AP3B2: variants seen among roughly 807,000 people sequenced by gnomAD.
AP3B2 encodes adaptor related protein complex 3 subunit beta 2.
In AP3B2, 50 loss-of-function variants were observed where a neutral mutation model predicts 126.9. The ratio of observed to expected loss-of-function variants is 0.39; its 90% CI spans 0.31 to 0.50. The LOEUF is 0.50. Among genes scored for constraint, AP3B2 ranks in the 20% least tolerant of loss-of-function variants. The pLI is 0.79. For synonymous variants in AP3B2, 541 were observed against 565.0 expected (o/e 0.96, Z 0.60); for missense variants, 1,177 against 1,426.4 (o/e 0.83, Z 2.82).
intron 1 of AP3B2, among the ~76,000 whole-genome samples, chr15:82,705,505 A>G (rs2048783010): frequency 6.6e-6 from 1 of 152,042 alleles, no homozygotes; most frequent in Non-Finnish European, 1.5e-5. Flanking sequence ...CTGGATTTCA[A>G]ACATGCTTTC....
chr15:82,684,121 T>G (rs147142090), intron 4 of AP3B2, among the ~76,000 whole-genome samples: 1 of 152,212 alleles, frequency 6.6e-6, no homozygotes, highest in African/African-American at 2.4e-5. Context: ...ACTAGCTGCA[T>G]TGGCCCCTAA....
chr15:82,667,588 C>T (rs1043232702), intron 14 of AP3B2, among the ~76,000 whole-genome samples: 1 of 152,196 alleles, frequency 6.6e-6, no homozygotes. Context: ...AAAATATCTC[C>T]ATTTCTGCCA....
intron 14 of AP3B2, among the ~76,000 whole-genome samples, chr15:82,672,112 C>T (rs553189539): frequency 5.3e-5 from 8 of 151,962 alleles, no homozygotes; most frequent in African/African-American, 4.8e-5. Flanking sequence ...ATGTATATAC[C>T]CAAAAGTAAG....
Position 82,665,060 on chromosome 15 carries a change from A to T in AP3B2, c.2029-117T>A. ...TGAGGCCCTACCTGGTCTGTCCCAC[A>T]AAGGGAATAACAGAGGAGGAAGAAA... is the stretch of plus-strand genomic sequence containing the variant. On this transcript the variant is annotated intron_variant, in intron 17 of 26. Transcript: ENST00000535359. The surrounding 1 kb of genome is among the most constrained non-coding windows in gnomAD (Gnocchi z 4.4). 1 of 1,045,104 alleles carries T rather than the reference A, an allele frequency of 9.6e-7. No homozygotes were observed. The highest frequency in any genetic ancestry group is 1.5e-5 in the South Asian group (1 of 68,034). The allele number at this position is 1,045,104 out of a possible 1,614,324, so 64.7% of individuals were successfully genotyped here.
chr15:82,681,245 C>A lies in AP3B2; in HGVS notation c.522-67G>T. ...CCAGCCTTCCCAATATCTGTCCAAGCCATGCTCACCTCCTGCACCCCAGCC... is the reference window on the plus strand; with the variant it reads ...CCAGCCTTCCCAATATCTGTCCAAGACATGCTCACCTCCTGCACCCCAGCC... On this transcript the variant is annotated intron_variant, in intron 5 of 26. Coordinates refer to ENST00000535359, the MANE Select transcript of AP3B2 (RefSeq NM_001278512.2). This position sits in a 1 kb window ranked among gnomAD's most constrained non-coding sequence, Gnocchi z 4.0. 6.4e-7 allele frequency: 1 copy of A among 1,552,764 alleles called. No homozygotes were observed. The highest frequency in any genetic ancestry group is 8.8e-7 in the Non-Finnish European group (1 of 1,142,076).
Position 82,680,971 on chromosome 15 carries a change from G to A in AP3B2, c.637C>T (p.Arg213Cys). The stretch of plus-strand genomic sequence containing the variant: ...TAGTTTTTGTGAATCAGGTCGATGC[G>A]CTCCGGGCAGACCTCCTCAAAGGCC... ...VMAFEEVCPE[R>C]IDLIHKNYRK... is the part of the protein sequence containing the mutation. Residue 213 changes from arginine to cysteine, a missense_variant, in exon 7 of 27, where the codon CGC (arginine) becomes TGC (cysteine). Around this residue, in one of 5 missense-constraint regions of AP3B2, gnomAD observed 130 missense variants for 262.0 expected, o/e 0.50. Transcript: ENST00000535359. The surrounding 1 kb of genome is among the most constrained non-coding windows in gnomAD (Gnocchi z 6.1). The A allele has an allele frequency of 6.2e-7, 1 of 1,613,908 alleles. No homozygotes were observed. Among genetic ancestry groups the A allele is most frequent in the Non-Finnish European group, 8.5e-7 (1 of 1,179,882 alleles).
intron 14 of AP3B2, among the ~76,000 whole-genome samples, chr15:82,669,920 G>C (rs1431977210): frequency 7.1e-6 from 1 of 141,666 alleles, no homozygotes; most frequent in Non-Finnish European, 1.5e-5. Flanking sequence ...AGAATTGCTT[G>C]AACCCGGGAG....
intron 15 of AP3B2, among the ~76,000 whole-genome samples, chr15:82,666,453 G>A (rs561892457): frequency 7.2e-5 from 11 of 152,344 alleles, no homozygotes; most frequent in African/African-American, 2.6e-4. Context: ...GTATTCCAAA[G>A]CCTAGTGTCT....
chr15:82,663,014 T>A, intron 22 of AP3B2, 92 bp from the exon 23 acceptor site: 1 of 1,497,922 alleles, frequency 6.7e-7, no homozygotes, highest in East Asian at 2.4e-5. Context: ...CAGCTGGGAC[T>A]CAAAGCTATC....
intron 1 of AP3B2, among the ~76,000 whole-genome samples, chr15:82,694,202 G>A (rs574312425): frequency 1.7e-4 from 24 of 144,894 alleles, no homozygotes; most frequent in Admixed American, 1.4e-4. Context: ...TTGGGGTTTC[G>A]CCATGTTGAC....
rs1596168136 is a variant in AP3B2 at position 82,664,596 on chromosome 15, T to C, written c.2138-106A>G. 7.4e-7 allele frequency: 1 copy of C among 1,358,150 alleles called. No homozygotes were observed. The highest frequency in any genetic ancestry group is 2.5e-5 in the East Asian group (1 of 40,106). The allele number at this position is 1,358,150 out of a possible 1,614,324, so 84.1% of individuals were successfully genotyped here. A position where few individuals can be genotyped will look rare whatever the true frequency, so the allele number is the denominator to read the frequency against. On this transcript the variant is annotated intron_variant, in intron 18 of 26. Coordinates refer to ENST00000535359, the MANE Select transcript of AP3B2 (RefSeq NM_001278512.2). This position sits in a 1 kb window ranked among gnomAD's most constrained non-coding sequence, Gnocchi z 4.5. ...ACATTCAGTACTGAACCCTCAAACC[T>C]CTCTGACCTGCCCCCAGCCCTACAT...
intron 4 of AP3B2, among the ~76,000 whole-genome samples, chr15:82,683,268 A>G (rs1480360349): frequency 6.6e-6 from 1 of 151,958 alleles, no homozygotes; most frequent in East Asian, 1.9e-4. Context: ...TGTGTTAGCC[A>G]GGATGGTCTC....
chr15:82,687,514 T>C (rs2048449848), intron 4 of AP3B2: 1 of 152,178 alleles, frequency 6.6e-6, no homozygotes, highest in African/African-American at 2.4e-5. Flanking sequence ...ACCAAAAGAT[T>C]ACTTGCCAAT....
Position 82,670,163 on chromosome 15 carries a change from G to A in AP3B2, c.1666-3230C>T, listed in dbSNP as rs1280760810. 4.3e-5 allele frequency among the ~76,000 whole-genome samples: 6 copies of A among 141,066 alleles called. No individual in the cohort carries two copies. In the South Asian group the frequency reaches 9.8e-4, roughly 23 times the overall value. The allele number at this position is 141,066 out of a possible 152,430, so 92.5% of individuals were successfully genotyped here. On this transcript the variant is annotated intron_variant, in intron 14 of 26. Transcript: ENST00000535359. ...TCGCTCTTGTCCCCTAGGCTGGAGT[G>A]CAGTGGCGCGATCTTGGCTCACTGC...
At chr15:82,691,112 T>C (rs1436703096) in intron 1 of AP3B2, among the ~76,000 whole-genome samples, 3 of 152,226 alleles carry the variant, frequency 2.0e-5, no homozygotes, top group Non-Finnish European at 4.4e-5. Flanking sequence ...TACAATCCTT[T>C]GGGTATATAC....
intron 1 of AP3B2, chr15:82,691,845 C>T (rs2048540042): frequency 7.4e-7 from 1 of 1,344,540 alleles, no homozygotes; most frequent in East Asian, 2.3e-5. Flanking sequence ...TCAGGATAAA[C>T]TCAGATGTAG....
intron 14 of AP3B2, among the ~76,000 whole-genome samples, chr15:82,673,653 A>G (rs1172556663): frequency 6.6e-6 from 1 of 152,252 alleles, no homozygotes; most frequent in Non-Finnish European, 1.5e-5. Context: ...ATGACTATAT[A>G]TAGGAATAAA....
At chr15:82,691,026 TG>T (rs2048522854) in intron 1 of AP3B2, among the ~76,000 whole-genome samples, 2 of 152,200 alleles carry the variant, frequency 1.3e-5, no homozygotes, top group Non-Finnish European at 2.9e-5. Context: ...ACATTTGGGT[TG>T]GTTCCAAGTC....
intron 25 of AP3B2, 129 bp from the exon 26 acceptor site, chr15:82,660,112 AATC>A: frequency 1.6e-6 from 2 of 1,212,292 alleles, no homozygotes; most frequent in Non-Finnish European, 2.3e-6. Context: ...TCAGAATTTA[AATC>A]ATCAGTCTTG....
Sources: allele counts gnomAD v4.1 joint callset (sites outside exome capture counted in the v4.1 genomes callset), GRCh38; gene constraint gnomAD v4.1.1; regional missense constraint gnomAD v4.1.1; non-coding constraint Gnocchi (gnomAD v3.1); transcripts MANE v1.5; gene names NCBI Gene and HGNC (gene_info 2026-07-23, HGNC 2026-07-21).